The following PRKG1 variants were observed in gnomAD, a reference collection of about 807,000 sequenced individuals.
The protein encoded by PRKG1 is cGMP-dependent protein kinase 1.
In PRKG1, 35 loss-of-function variants were observed where a neutral mutation model predicts 88.1. The observed-to-expected ratio is 0.40, with a 90% CI of 0.30 to 0.53. The LOEUF (loss-of-function observed/expected upper bound fraction) is 0.53. Ranked by LOEUF, PRKG1 falls within the 20% of genes least tolerant of loss-of-function variation. The pLI is 0.59. For synonymous variants in PRKG1, 303 were observed against 292.5 expected (o/e 1.04, Z -0.37); for missense variants, 540 against 839.8 (o/e 0.64, Z 4.41).
At chr10:51,105,766 A>AT (rs1844819612) in intron 1 of PRKG1, among the ~76,000 whole-genome samples, 1 of 152,206 alleles carries the variant, frequency 6.6e-6, no homozygotes, top group South Asian at 2.1e-4. Flanking sequence ...ATAACAATCA[A>AT]TTTTATTGAA....
Position 52,022,775 on chromosome 10 carries a change from A to G in PRKG1, c.763-31709A>G, listed in dbSNP as rs773928924. ...TGGGTTTGTATGGAGCATGACATATACAAAGTACAGAAATGAAAATAAAAG... is the reference window on the plus strand; with the variant it reads ...TGGGTTTGTATGGAGCATGACATATGCAAAGTACAGAAATGAAAATAAAAG... On this transcript the variant is annotated intron_variant, in intron 5 of 17. Transcript: ENST00000373980. 4.6e-5 allele frequency among the ~76,000 whole-genome samples: 7 copies of G among 152,198 alleles called. No individual in the cohort carries two copies. The East Asian group carries it at 9.6e-4, about 21-fold the overall frequency.
intron 3 of PRKG1, among the ~76,000 whole-genome samples, chr10:51,478,734 G>A (rs1159829521): frequency 3.8e-5 from 4 of 105,344 alleles, no homozygotes; most frequent in Non-Finnish European, 8.6e-5. Context: ...ATGAAGCAGA[G>A]TGAGATACTG....
intron 17 of PRKG1, among the ~76,000 whole-genome samples, chr10:52,293,224 A>G (rs965013872): frequency 6.6e-6 from 1 of 151,806 alleles, no homozygotes; most frequent in African/African-American, 2.4e-5. Context: ...GGACCTCTTC[A>G]AGGAGAACTA....
At chr10:52,168,821 C>G (rs1391753458) in intron 9 of PRKG1, among the ~76,000 whole-genome samples, 1 of 151,892 alleles carries the variant, frequency 6.6e-6, no homozygotes, top group Non-Finnish European at 1.5e-5. Context: ...GAATTTTGAT[C>G]TGAATATTGG....
At chr10:52,205,291 C>T (rs918496355) in intron 9 of PRKG1, among the ~76,000 whole-genome samples, 2 of 152,106 alleles carry the variant, frequency 1.3e-5, no homozygotes, top group African/African-American at 4.8e-5. Flanking sequence ...TCGTACACTC[C>T]CTCCCCTTTG....
At chr10:51,676,461 C>CAA (rs375581966) in intron 3 of PRKG1, among the ~76,000 whole-genome samples, 1,030 of 92,676 alleles carry the variant, frequency 0.011, 14 homozygotes, top group African/African-American at 0.03. Context: ...CACCAATGCA[C>CAA]AAAAAAAAAA....
intron 2 of PRKG1, among the ~76,000 whole-genome samples, chr10:51,368,178 AC>A (rs1842628274): frequency 6.6e-6 from 1 of 152,040 alleles, no homozygotes; most frequent in Admixed American, 6.6e-5. Flanking sequence ...TGTGAATATT[AC>A]CCAAGGTATT....
intron 8 of PRKG1, among the ~76,000 whole-genome samples, chr10:52,154,563 A>G (rs1015122369): frequency 6.6e-6 from 1 of 152,240 alleles, no homozygotes; most frequent in Non-Finnish European, 1.5e-5. Context: ...TATTTATAAT[A>G]TCAAAATTGT....
At chr10:51,466,414 T>G (rs1009924885) in intron 2 of PRKG1, among the ~76,000 whole-genome samples, 2 of 152,076 alleles carry the variant, frequency 1.3e-5, no homozygotes, top group Non-Finnish European at 2.9e-5. Context: ...CATACACCAG[T>G]CAAAAATAAT....
At chr10:51,829,014 A>G (rs1839942356) in intron 4 of PRKG1, among the ~76,000 whole-genome samples, 1 of 152,150 alleles carries the variant, frequency 6.6e-6, no homozygotes, top group African/African-American at 2.4e-5. Flanking sequence ...GCCTCTGACT[A>G]AAGGTCTCTC....
intron 2 of PRKG1, among the ~76,000 whole-genome samples, chr10:51,408,525 T>A (rs935514276): frequency 7.9e-5 from 12 of 152,180 alleles, no homozygotes; most frequent in African/African-American, 2.4e-4. Context: ...AGGCCAAACC[T>A]CTGCCCTTTC....
chr10:52,239,151 T>A (rs1227595533), intron 9 of PRKG1, among the ~76,000 whole-genome samples: 44 of 100,232 alleles, frequency 4.4e-4, no homozygotes, highest in African/African-American at 1.7e-3. Context: ...AAGGGGAATA[T>A]CACACTCTGG....
intron 5 of PRKG1, among the ~76,000 whole-genome samples, chr10:51,913,715 C>T (rs560412011): frequency 3.9e-5 from 6 of 152,208 alleles, no homozygotes; most frequent in African/African-American, 1.4e-4. Context: ...TAAGTGTTCA[C>T]TGTTATTGTC....
chr10:51,902,587 T>A (rs1427623107), intron 4 of PRKG1, among the ~76,000 whole-genome samples: 1 of 152,142 alleles, frequency 6.6e-6, no homozygotes, highest in Non-Finnish European at 1.5e-5. Flanking sequence ...ACAGAAAACT[T>A]AAGGATTTCA....
intron 2 of PRKG1, among the ~76,000 whole-genome samples, chr10:51,237,366 G>A (rs561493695): frequency 3.9e-5 from 6 of 152,242 alleles, no homozygotes; most frequent in South Asian, 4.1e-4. Flanking sequence ...CACATGCTCC[G>A]GGAACACACA....
chr10:51,435,734 G>A lies in PRKG1; in HGVS notation c.479-31989G>A, dbSNP rs1838908969. ...TGTGGTGAGCAAGTTAAACTCATGA[G>A]CATGAGGTGGAATGGGAATTCCAGG... On this transcript the variant is annotated intron_variant, in intron 2 of 17. Transcript: ENST00000373980. Among the ~76,000 whole-genome samples the A allele has an allele frequency of 2.0e-5, 3 of 151,940 alleles. No homozygotes were observed. In the South Asian group the frequency reaches 6.2e-4, roughly 32 times the overall value.
chr10:51,589,612 G>A (rs1169198736), intron 3 of PRKG1, among the ~76,000 whole-genome samples: 1 of 152,030 alleles, frequency 6.6e-6, no homozygotes, highest in Non-Finnish European at 1.5e-5. Context: ...GACAGAGTGA[G>A]ACTCTGTCTC....
rs571720421 is a variant in PRKG1 at position 51,085,927 on chromosome 10, A to T, written c.311+11026A>T. 1.1e-4 allele frequency among the ~76,000 whole-genome samples: 16 copies of T among 152,306 alleles called. 1 individual carries two copies. The East Asian group carries it at 3.1e-3, about 29-fold the overall frequency. On this transcript the variant is annotated intron_variant, in intron 1 of 17. Coordinates refer to ENST00000373980, the MANE Select transcript of PRKG1 (RefSeq NM_006258.4). Reference sequence around the variant, plus strand: ...AAGAATTTTATCCTTGGTCAGGAAAAAGTCATTTTTCTCTTCTTCAAAATT... The same window carrying T: ...AAGAATTTTATCCTTGGTCAGGAAATAGTCATTTTTCTCTTCTTCAAAATT...
intron 4 of PRKG1, among the ~76,000 whole-genome samples, chr10:51,891,910 A>G (rs1841731381): frequency 6.6e-6 from 1 of 152,220 alleles, no homozygotes; most frequent in Non-Finnish European, 1.5e-5. Context: ...TGCGTCTGTG[A>G]AGAATCTGGA....
Sources: gnomAD v4.1 joint callset for allele counts (sites outside exome capture counted in the v4.1 genomes callset) on GRCh38, gnomAD v4.1.1 for gene constraint, MANE v1.5 for transcripts, NCBI Gene and HGNC (gene_info 2026-07-23, HGNC 2026-07-21) for gene names.